Variants in CNTNAP2 observed in about 807,000 individuals in gnomAD.
The protein encoded by CNTNAP2 is contactin associated protein 2.
Under a neutral mutation model 155.2 loss-of-function variants are expected in CNTNAP2, and 98 were observed. The observed-to-expected ratio is 0.63, with a 90% confidence interval of 0.54 to 0.75. The LOEUF (loss-of-function observed/expected upper bound fraction) is 0.75, where lower values mean the gene tolerates loss of function less well. Among genes scored for constraint, CNTNAP2 ranks in the 30% least tolerant of loss-of-function variants. CNTNAP2 has a pLI of 0.00. For synonymous variants in CNTNAP2, 651 were observed against 631.2 expected, an observed-to-expected ratio of 1.03 and a Z score of -0.47; for missense variants, 1,727 against 1,688.1, an observed-to-expected ratio of 1.02 and a Z score of -0.40.
Position 147,750,798 on chromosome 7 carries a change from G to A in CNTNAP2, c.2098+111492G>A, listed in dbSNP as rs1211546299. Among the ~76,000 whole-genome samples the A allele has an allele frequency of 3.9e-5, 6 of 152,214 alleles. No homozygotes were observed. In the East Asian group the frequency reaches 1.2e-3, roughly 29 times the overall value. On this transcript the variant is annotated intron_variant, in intron 13 of 23. Transcript: ENST00000361727. ...TCATGCCTGTAATCCTGGCAGTTTG[G>A]GAGGCCAAGGCGGGTAGATCACGAG...
intron 8 of CNTNAP2, among the ~76,000 whole-genome samples, chr7:147,237,652 A>G (rs1194246020): frequency 1.3e-5 from 2 of 152,222 alleles, no homozygotes; most frequent in Non-Finnish European, 2.9e-5. Context: ...TCTATTAAAG[A>G]TTAACATGGA....
At chr7:148,096,455 T>G (rs1273212294) in intron 15 of CNTNAP2, among the ~76,000 whole-genome samples, 1 of 152,180 alleles carries the variant, frequency 6.6e-6, no homozygotes, top group African/African-American at 2.4e-5. Flanking sequence ...TCATAGAGAT[T>G]AATCACATAG....
chr7:147,770,392 G>A (rs1437601214), intron 13 of CNTNAP2, among the ~76,000 whole-genome samples: 1 of 152,026 alleles, frequency 6.6e-6, no homozygotes, highest in African/African-American at 2.4e-5. Flanking sequence ...GGGAGGAGTG[G>A]GGAAATGGAT....
intron 11 of CNTNAP2, among the ~76,000 whole-genome samples, chr7:147,554,051 G>C (rs1236808639): frequency 3.3e-5 from 5 of 152,184 alleles, no homozygotes; most frequent in Non-Finnish European, 5.9e-5. Context: ...AACCTCTATA[G>C]GATCTGAGCA....
chr7:147,103,909 G>T (rs568169966), intron 4 of CNTNAP2, among the ~76,000 whole-genome samples: 4 of 152,002 alleles, frequency 2.6e-5, no homozygotes, highest in Non-Finnish European at 5.9e-5. Context: ...GAGGGTCAAG[G>T]TTATGAAAGA....
intron 13 of CNTNAP2, among the ~76,000 whole-genome samples, chr7:147,745,831 C>T (rs1339091021): frequency 6.6e-6 from 1 of 152,194 alleles, no homozygotes; most frequent in Non-Finnish European, 1.5e-5. Flanking sequence ...TTCTTTTCTA[C>T]TAAACTAAAA....
intron 10 of CNTNAP2, among the ~76,000 whole-genome samples, chr7:147,452,813 T>C (rs1035026335): frequency 1.3e-5 from 2 of 151,490 alleles, no homozygotes; most frequent in African/African-American, 2.4e-5. Context: ...AGAATGGAGA[T>C]AGAAGGTAAA....
At chr7:147,748,095 C>T (rs1797074571) in intron 13 of CNTNAP2, among the ~76,000 whole-genome samples, 1 of 152,178 alleles carries the variant, frequency 6.6e-6, no homozygotes, top group South Asian at 2.1e-4. Context: ...AGAACACTCT[C>T]ATTTATCTTG....
chr7:146,948,719 T>C (rs575094366), intron 3 of CNTNAP2, among the ~76,000 whole-genome samples: 5 of 152,336 alleles, frequency 3.3e-5, no homozygotes, highest in African/African-American at 9.6e-5. Context: ...TTGAATTAAA[T>C]ACATTCCTTG....
intron 1 of CNTNAP2, among the ~76,000 whole-genome samples, chr7:146,617,255 A>G (rs188149691): frequency 1.1e-3 from 161 of 152,322 alleles, no homozygotes; most frequent in African/African-American, 3.6e-3. Context: ...TGTCTATAAC[A>G]TGAGCTTGAA....
At chr7:147,625,809 G>A (rs1449605628) in intron 12 of CNTNAP2, among the ~76,000 whole-genome samples, 1 of 152,146 alleles carries the variant, frequency 6.6e-6, no homozygotes, top group Non-Finnish European at 1.5e-5. Context: ...TCATGAAACA[G>A]GTGAAAAACT....
chr7:147,228,036 G>C (rs1161791258), intron 8 of CNTNAP2, among the ~76,000 whole-genome samples: 1 of 152,096 alleles, frequency 6.6e-6, no homozygotes, highest in African/African-American at 2.4e-5. Context: ...TGGTGTAAAG[G>C]CCTGCAAATA....
chr7:146,149,069 A>C (rs1181646773), intron 1 of CNTNAP2, among the ~76,000 whole-genome samples: 1 of 152,052 alleles, frequency 6.6e-6, no homozygotes, highest in Admixed American at 6.6e-5. Flanking sequence ...ATTAGGAGAT[A>C]CACCTAATGT....
chr7:146,983,642 A>G (rs1462338133), intron 3 of CNTNAP2, among the ~76,000 whole-genome samples: 2 of 152,208 alleles, frequency 1.3e-5, no homozygotes, highest in Non-Finnish European at 2.9e-5. Flanking sequence ...CATAGTAAGC[A>G]TGAGGGCTTC....
rs773507124 is a variant in CNTNAP2 at position 146,839,696 on chromosome 7, T to C, written c.209-15T>C. ...TAAATATTCATTTTCCCATCTTACC[T>C]CTGCCCATCTTCAGGTGCTGGGGGA... On this transcript the variant is annotated splice_polypyrimidine_tract_variant and intron_variant, in intron 2 of 23. Transcript: ENST00000361727. The C allele has an allele frequency of 5.6e-6, 9 of 1,613,836 alleles. No individual in the cohort carries two copies. The highest frequency in any genetic ancestry group is 7.6e-6 in the Non-Finnish European group (9 of 1,179,818).
intron 14 of CNTNAP2, among the ~76,000 whole-genome samples, chr7:147,913,153 A>G (rs1585024871): frequency 6.6e-6 from 1 of 152,272 alleles, no homozygotes; most frequent in South Asian, 2.1e-4. Flanking sequence ...ACACATGTCC[A>G]AAGGATAAAA....
At chr7:146,573,487 C>A (rs1798474480) in intron 1 of CNTNAP2, among the ~76,000 whole-genome samples, 1 of 151,994 alleles carries the variant, frequency 6.6e-6, no homozygotes, top group Admixed American at 6.6e-5. Context: ...CTCTGGAGAG[C>A]TGGAGGGATG....
chr7:147,386,175 T>C (rs1796622531), intron 9 of CNTNAP2, among the ~76,000 whole-genome samples: 1 of 152,078 alleles, frequency 6.6e-6, no homozygotes, highest in Non-Finnish European at 1.5e-5. Context: ...ACCCATGAAA[T>C]GATTTTTTCC....
At chr7:147,210,671 G>A (rs1803127990) in intron 8 of CNTNAP2, among the ~76,000 whole-genome samples, 1 of 151,850 alleles carries the variant, frequency 6.6e-6, no homozygotes, top group South Asian at 2.1e-4. Flanking sequence ...CTTTCTCTAA[G>A]TGTGATGTTA....
Sources: allele counts gnomAD v4.1 joint callset (sites outside exome capture counted in the v4.1 genomes callset), GRCh38; gene constraint gnomAD v4.1.1; transcripts MANE v1.5; gene names NCBI Gene and HGNC (gene_info 2026-07-23, HGNC 2026-07-21).